Variants in CASK observed in about 807,000 individuals in gnomAD.
CASK encodes peripheral plasma membrane protein CASK.
In CASK, 4 loss-of-function variants were observed where a neutral mutation model predicts 82.9. The observed-to-expected ratio is 0.05, with a 90% CI of 0.02 to 0.11. The LOEUF is 0.11. CASK is among the 10% of genes least tolerant of loss of function. The pLI is 1.00. For missense variants in CASK, 358 were observed against 720.9 expected, an observed-to-expected ratio of 0.50 and a Z score of 5.76; for synonymous variants, 259 against 253.5, an observed-to-expected ratio of 1.02 and a Z score of -0.20.
intron 16 of CASK, among the ~76,000 whole-genome samples, chrX:41,564,390 C>G (rs1290825216): frequency 1.8e-5 from 2 of 111,638 alleles, no homozygotes; most frequent in African/African-American, 6.5e-5. Flanking sequence ...GAGACAAGGT[C>G]TCTCTCCGAC....
At chrX:41,794,909 C>G (rs1036519081) in intron 2 of CASK, among the ~76,000 whole-genome samples, 1 of 112,253 alleles carries the variant, frequency 8.9e-6, no homozygotes, top group African/African-American at 3.2e-5. Flanking sequence ...AACAAGGACA[C>G]GTTGACAGGA....
At position 41,677,685 on chromosome X, in the gene CASK, G is replaced by GTAAA. The variant is rs200808338; in HGVS notation, c.430-6159_430-6156dup. 7.4e-3 allele frequency among the ~76,000 whole-genome samples: 832 copies of GTAAA among 112,109 alleles called. 5 individuals are homozygous for GTAAA. Among genetic ancestry groups the GTAAA allele is most frequent in the African/African-American group, 0.026 (805 of 30,861 alleles). ...AGATATCTTTCACAGTCTTACTGTA[G>GTAAA]TAAAAATGGAGAAATGGGATGTAGA... On this transcript the variant is annotated intron_variant, in intron 5 of 26. Coordinates refer to ENST00000378163, the MANE Select transcript of CASK (RefSeq NM_001367721.1).
intron 2 of CASK, among the ~76,000 whole-genome samples, chrX:41,795,390 C>T (rs2069831699): frequency 8.9e-6 from 1 of 112,218 alleles, no homozygotes; most frequent in African/African-American, 3.2e-5. Flanking sequence ...AGACGAGGCA[C>T]GGTAGCTCGT....
chrX:41,829,405 T>C (rs1374607349), intron 2 of CASK, among the ~76,000 whole-genome samples: 1 of 108,455 alleles, frequency 9.2e-6, no homozygotes, highest in Non-Finnish European at 1.9e-5. Flanking sequence ...CCGGCTTCTT[T>C]CACTTATCAT....
chrX:41,542,573 A>C, intron 22 of CASK, 118 bp downstream of exon 22: 1 of 497,031 alleles, frequency 2.0e-6, no homozygotes, highest in Non-Finnish European at 3.6e-6. Context: ...GTTGATGAAG[A>C]TCTCATATGG....
At chrX:41,838,559 C>G (rs745533655) in intron 2 of CASK, among the ~76,000 whole-genome samples, 13 of 111,146 alleles carry the variant, frequency 1.2e-4, no homozygotes, top group African/African-American at 4.2e-4. Context: ...AGTTTGAGAC[C>G]AGCCTGGCCA....
intron 17 of CASK, 140 bp downstream of exon 17, chrX:41,561,418 AT>A: frequency 2.0e-6 from 1 of 494,663 alleles, no homozygotes; most frequent in Non-Finnish European, 3.5e-6. Context: ...AGTTTTATGA[AT>A]GTTATATAAG....
At chrX:41,795,384 G>A (rs2069831357) in intron 2 of CASK, among the ~76,000 whole-genome samples, 1 of 112,317 alleles carries the variant, frequency 8.9e-6, no homozygotes, top group Non-Finnish European at 1.9e-5. Context: ...ACTTAGAGAC[G>A]AGGCACGGTA....
At chrX:41,658,700 C>T (rs1602422238) in intron 8 of CASK, among the ~76,000 whole-genome samples, 1 of 111,186 alleles carries the variant, frequency 9.0e-6, no homozygotes, top group African/African-American at 3.3e-5. Context: ...AGAAGGACAA[C>T]CAAGAGAGCA....
intron 7 of CASK, among the ~76,000 whole-genome samples, chrX:41,664,035 T>C (rs2067076786): frequency 8.9e-6 from 1 of 111,755 alleles, no homozygotes; most frequent in Non-Finnish European, 1.9e-5. Flanking sequence ...CTGGTAAGTA[T>C]TGATTTTATT....
At position 41,904,013 on chromosome X, in the gene CASK, A is replaced by G. The variant is rs141091264; in HGVS notation, c.59+18917T>C. Among the ~76,000 whole-genome samples, 21 of 111,773 alleles carry G rather than the reference A, an allele frequency of 1.9e-4. No homozygotes were observed. The East Asian group carries it at 5.1e-3, about 27-fold the overall frequency. ...TTAAAATTTTCATAACCTCAGAATG[A>G]AACCCCATACCTATTAGTAGTCACT... On this transcript the variant is annotated intron_variant, in intron 1 of 26. Coordinates refer to ENST00000378163, the MANE Select transcript of CASK (RefSeq NM_001367721.1).
intron 5 of CASK, among the ~76,000 whole-genome samples, chrX:41,677,908 A>C (rs962653581): frequency 4.4e-5 from 5 of 112,491 alleles, no homozygotes; most frequent in Non-Finnish European, 9.4e-5. Flanking sequence ...CGAAAAACCC[A>C]AAAACAAGGA....
rs773311959 is a variant in CASK, at chrX:41,841,430, TG to T, written c.172+11684del. 3.6e-5 allele frequency among the ~76,000 whole-genome samples: 4 copies of T among 110,931 alleles called. No homozygotes were observed. In the South Asian group the frequency reaches 1.5e-3, roughly 42 times the overall value. On this transcript the variant is annotated intron_variant, in intron 2 of 26. Coordinates refer to ENST00000378163, the MANE Select transcript of CASK (RefSeq NM_001367721.1). ...TTATTGTTGATTTTCAAGAGTTCTTTGTATATCTGAGATACTAGATTATCAA... is the reference window on the plus strand; with the variant it reads ...TTATTGTTGATTTTCAAGAGTTCTTTTATATCTGAGATACTAGATTATCAA...
Position 41,578,417 on chromosome X carries a change from C to T in CASK, c.1426G>A (p.Ala476Thr), listed in dbSNP as rs760502074. 2 of 1,206,088 alleles carry T rather than the reference C, an allele frequency of 1.7e-6. No homozygotes were observed. Among genetic ancestry groups the T allele is most frequent in the South Asian group, 1.8e-5 (1 of 56,808 alleles). ...TTCTCCATATCCATGTCTCCGTTAG[C>T]ACTTTCTGGAGAATCGCCGTTTAAA... Reference protein sequence around the residue: ...PYLNGDSPESANGDMDMENVT... With the variant: ...PYLNGDSPESTNGDMDMENVT... Residue 476 changes from alanine (A) to threonine (T), a missense_variant, in exon 15 of 27, where the codon GCT (alanine) becomes ACT (threonine). Physicochemically the swap from Ala to Thr is moderately conservative, Grantham distance 58 (BLOSUM62 0). Transcript: ENST00000378163.
chrX:41,792,289 ATTTTTTT>A (rs757353818), intron 2 of CASK, among the ~76,000 whole-genome samples: 25 of 91,394 alleles, frequency 2.7e-4, no homozygotes, highest in African/African-American at 9.1e-4. Context: ...TTCAATAAGG[ATTTTTTT>A]TTTTTTTTTT....
In CASK at chrX:41,769,152, A is replaced by T. The variant is rs144224949; in HGVS notation, c.278+18026T>A. Among the ~76,000 whole-genome samples, 769 of 108,858 alleles carry T rather than the reference A, an allele frequency of 7.1e-3. 6 individuals are homozygous for T. The highest frequency in any genetic ancestry group is 0.012 in the Non-Finnish European group (629 of 52,344). The allele number at this position is 108,858 out of a possible 115,157, so 94.5% of individuals were successfully genotyped here. ...ATGATGTCTCCCATTGAAGACAACTAAATAAGTAAAAAAAAAAAGTACTTT... is the reference window on the plus strand; with the variant it reads ...ATGATGTCTCCCATTGAAGACAACTTAATAAGTAAAAAAAAAAAGTACTTT... On this transcript the variant is annotated intron_variant, in intron 3 of 26. Coordinates refer to ENST00000378163, the MANE Select transcript of CASK (RefSeq NM_001367721.1).
intron 8 of CASK, among the ~76,000 whole-genome samples, chrX:41,641,146 C>T (rs934159771): frequency 8.2e-5 from 9 of 109,724 alleles, no homozygotes; most frequent in Admixed American, 2.0e-4. Context: ...CTATCACGCC[C>T]GGCTAATTTT....
At chrX:41,633,042 A>T (rs1239576262) in intron 9 of CASK, among the ~76,000 whole-genome samples, 7 of 90,736 alleles carry the variant, frequency 7.7e-5, no homozygotes, top group African/African-American at 2.8e-4. Flanking sequence ...AGACTCTCTC[A>T]AAAAAAAAAA....
At chrX:41,898,441 T>G (rs1450789386) in intron 1 of CASK, among the ~76,000 whole-genome samples, 3 of 111,965 alleles carry the variant, frequency 2.7e-5, no homozygotes, top group East Asian at 5.6e-4. Flanking sequence ...TTTCATTTAT[T>G]TCTGCATTGA....
Sources: allele counts gnomAD v4.1 joint callset (sites outside exome capture counted in the v4.1 genomes callset), GRCh38; gene constraint gnomAD v4.1.1; transcripts MANE v1.5; gene names NCBI Gene and HGNC (gene_info 2026-07-23, HGNC 2026-07-21).